The following ARHGEF9 variants were observed in gnomAD, a reference collection of about 807,000 sequenced individuals.
ARHGEF9 encodes rho guanine nucleotide exchange factor 9.
ARHGEF9 carries 2 observed loss-of-function variants against 41.3 expected under a neutral mutation model. The ratio of observed to expected loss-of-function variants is 0.05; its 90% CI spans 0.02 to 0.15. The LOEUF is 0.15. Among genes scored for constraint, ARHGEF9 ranks in the 10% least tolerant of loss-of-function variants. The pLI is 1.00. For missense variants in ARHGEF9, 225 were observed against 424.7 expected (o/e 0.53, Z 4.13); for synonymous variants, 160 against 154.4 (o/e 1.04, Z -0.27).
chrX:63,682,512 CA>C (rs1240825223), intron 4 of ARHGEF9, among the ~76,000 whole-genome samples: 117 of 87,695 alleles, frequency 1.3e-3, no homozygotes, highest in Admixed American at 1.5e-3. Flanking sequence ...GAGACTCTGT[CA>C]AAAAAAAAAA....
intron 4 of ARHGEF9, among the ~76,000 whole-genome samples, chrX:63,696,871 T>C (rs2051787648): frequency 9.0e-6 from 1 of 111,566 alleles, no homozygotes; most frequent in Non-Finnish European, 1.9e-5. Flanking sequence ...TGGACTTCTG[T>C]GAGTTTCTCT....
intron 3 of ARHGEF9, among the ~76,000 whole-genome samples, chrX:63,698,199 T>G (rs1376535077): frequency 1.8e-5 from 2 of 108,435 alleles, no homozygotes; most frequent in African/African-American, 6.7e-5. Context: ...TCCTAACACC[T>G]AACACATGTG....
intron 2 of ARHGEF9, among the ~76,000 whole-genome samples, chrX:63,717,331 G>T (rs1333190906): frequency 8.9e-6 from 1 of 112,005 alleles, no homozygotes; most frequent in Admixed American, 9.4e-5. Context: ...GTTCAGCAGG[G>T]TCATTAGTTG....
At chrX:63,649,576 A>G (rs1404191772) in intron 8 of ARHGEF9, among the ~76,000 whole-genome samples, 1 of 111,964 alleles carries the variant, frequency 8.9e-6, no homozygotes, top group East Asian at 2.8e-4. Context: ...AGAATGCAAG[A>G]AATAACTAAG....
chrX:63,754,408 A>ATTT, intron 1 of ARHGEF9: 5 of 903,798 alleles, frequency 5.5e-6, no homozygotes, highest in South Asian at 2.5e-5. Flanking sequence ...TCTGTCTGTG[A>ATTT]TTTTTTTTTT....
intron 2 of ARHGEF9, among the ~76,000 whole-genome samples, chrX:63,715,642 C>T (rs782732481): frequency 8.9e-6 from 1 of 112,102 alleles, no homozygotes; most frequent in Non-Finnish European, 1.9e-5. Context: ...CCCGCAACAT[C>T]TGTCTTATGT....
At chrX:63,739,619 T>C (rs1234022021) in intron 1 of ARHGEF9, among the ~76,000 whole-genome samples, 1 of 111,616 alleles carries the variant, frequency 9.0e-6, no homozygotes, top group Non-Finnish European at 1.9e-5. Flanking sequence ...ACCTCAGACT[T>C]GTTTCTCTTT....
chrX:63,732,968 CCT>C (rs200002971), intron 1 of ARHGEF9, among the ~76,000 whole-genome samples: 7 of 110,048 alleles, frequency 6.4e-5, no homozygotes, highest in South Asian at 7.6e-4. Context: ...CAGGCTGCAT[CCT>C]CTCTCTCTCT....
intron 2 of ARHGEF9, among the ~76,000 whole-genome samples, chrX:63,719,424 T>C: frequency 8.9e-6 from 1 of 112,306 alleles, no homozygotes; most frequent in Non-Finnish European, 1.9e-5. Flanking sequence ...GATTATGCTA[T>C]AGGCCAGAAA....
chrX:63,733,991 G>A (rs1218898798), intron 1 of ARHGEF9, among the ~76,000 whole-genome samples: 3 of 112,638 alleles, frequency 2.7e-5, no homozygotes, highest in African/African-American at 9.7e-5. Flanking sequence ...TTCTTCCAAA[G>A]GAAGTTAAAA....
intron 1 of ARHGEF9, among the ~76,000 whole-genome samples, chrX:63,768,921 G>A (rs2056157532): frequency 1.8e-5 from 2 of 111,767 alleles, no homozygotes; most frequent in African/African-American, 6.5e-5. Flanking sequence ...CCAGTTTCAG[G>A]TATGTATGTA....
rs1266492369 is a variant in ARHGEF9 at position 63,637,691 on chromosome X, A to T, written c.*337T>A. 1.4e-5 allele frequency: 3 copies of T among 214,369 alleles called. No individual in the cohort carries two copies. The highest frequency in any genetic ancestry group is 8.7e-5 in the African/African-American group (3 of 34,549). The allele number at this position is 214,369 out of a possible 1,213,427, so 17.7% of individuals were successfully genotyped here. ...TTAACAAGAAAAGCAATGAATAGAAATGTCAACTTCTGAAAGCAAAGGGAA... is the reference window on the plus strand; with the variant it reads ...TTAACAAGAAAAGCAATGAATAGAATTGTCAACTTCTGAAAGCAAAGGGAA... On this transcript the variant is annotated 3_prime_UTR_variant, in exon 10 of 10. Transcript: ENST00000671741.
At chrX:63,701,714 A>G (rs1556395980) in intron 3 of ARHGEF9, 1 of 112,141 alleles carries the variant, frequency 8.9e-6, no homozygotes. Context: ...GAAAGTTGAC[A>G]AGGAGTTCAT....
Position 63,635,130 on chromosome X carries a change from A to G in ARHGEF9, c.*2898T>C. On this transcript the variant is annotated 3_prime_UTR_variant, in exon 10 of 10. Coordinates refer to ENST00000671741, the MANE Select transcript of ARHGEF9 (RefSeq NM_001353921.2). Reference sequence around the variant, plus strand: ...AAGAATAAACTGGCAAATGCAGAGCAGCAAGGGTAATCAAAGTCACTGTTG... The same window carrying G: ...AAGAATAAACTGGCAAATGCAGAGCGGCAAGGGTAATCAAAGTCACTGTTG... 2.6e-6 allele frequency: 1 copy of G among 388,741 alleles called. No homozygotes were observed. Among genetic ancestry groups the G allele is most frequent in the East Asian group, 4.7e-5 (1 of 21,362 alleles). 32.0% of individuals were successfully genotyped at this position (388,741 alleles called of 1,213,427 possible). A position where few individuals can be genotyped will look rare whatever the true frequency, so the allele number is the denominator to read the frequency against.
At chrX:63,747,765 C>A (rs2055360336) in intron 1 of ARHGEF9, among the ~76,000 whole-genome samples, 3 of 112,617 alleles carry the variant, frequency 2.7e-5, no homozygotes, top group African/African-American at 3.2e-5. Context: ...GAGAAACATA[C>A]ACAAAGAATT....
intron 1 of ARHGEF9, among the ~76,000 whole-genome samples, chrX:63,734,768 A>C (rs2054515928): frequency 8.9e-6 from 1 of 111,754 alleles, no homozygotes; most frequent in Admixed American, 9.5e-5. Flanking sequence ...ACCTTCAGGC[A>C]CTGAAGCTAC....
At chrX:63,711,940 C>T (rs1450820011) in intron 2 of ARHGEF9, among the ~76,000 whole-genome samples, 1 of 112,222 alleles carries the variant, frequency 8.9e-6, no homozygotes, top group Non-Finnish European at 1.9e-5. Flanking sequence ...AAAGTAACAA[C>T]TCGCTTAAAA....
chrX:63,748,000 T>C (rs1178934341), intron 1 of ARHGEF9, among the ~76,000 whole-genome samples: 1 of 112,282 alleles, frequency 8.9e-6, no homozygotes, highest in African/African-American at 3.2e-5. Flanking sequence ...GCCAAGTAAC[T>C]TATACTGCTT....
At chrX:63,759,144 T>C (rs2055987657) in intron 1 of ARHGEF9, among the ~76,000 whole-genome samples, 1 of 111,331 alleles carries the variant, frequency 9.0e-6, no homozygotes, top group Admixed American at 9.5e-5. Flanking sequence ...ACCAAAGCCC[T>C]TGTATCTTAA....
Sources: allele counts gnomAD v4.1 joint callset (sites outside exome capture counted in the v4.1 genomes callset), GRCh38; gene constraint gnomAD v4.1.1; transcripts MANE v1.5; gene names NCBI Gene and HGNC (gene_info 2026-07-23, HGNC 2026-07-21).